The following MPZL1 variants were observed in gnomAD, a reference collection of about 807,000 sequenced individuals.
MPZL1 encodes myelin protein zero like 1.
MPZL1 carries 16 observed loss-of-function variants against 29.3 expected under a neutral mutation model. The observed-to-expected ratio is 0.55, with a 90% confidence interval of 0.37 to 0.83. The LOEUF (loss-of-function observed/expected upper bound fraction) is 0.83, where lower values mean the gene tolerates loss of function less well. Ranked by LOEUF, MPZL1 falls within the 40% of genes least tolerant of loss-of-function variation. MPZL1 has a pLI of 0.00. For missense variants in MPZL1, 279 were observed against 332.9 expected (o/e 0.84, Z 1.26); for synonymous variants, 143 against 132.0 (o/e 1.08, Z -0.57).
chr1:167,725,729 C>A (rs1660132084), intron 1 of MPZL1, among the ~76,000 whole-genome samples: 1 of 152,202 alleles, frequency 6.6e-6, no homozygotes, highest in South Asian at 2.1e-4. Context: ...TGGTGATCCA[C>A]CCGCCTTGGC....
chr1:167,760,514 G>T (rs1660964155), intron 1 of MPZL1, among the ~76,000 whole-genome samples: 2 of 151,944 alleles, frequency 1.3e-5, no homozygotes, highest in African/African-American at 4.8e-5. Context: ...CTCTAGATAG[G>T]TTTCTAAGTA....
At chr1:167,726,877 G>A (rs1294746522) in intron 1 of MPZL1, among the ~76,000 whole-genome samples, 1 of 152,150 alleles carries the variant, frequency 6.6e-6, no homozygotes, top group African/African-American at 2.4e-5. Flanking sequence ...CACCTACTGG[G>A]CACAAGGCAC....
intron 2 of MPZL1, among the ~76,000 whole-genome samples, chr1:167,771,494 A>G (rs761855299): frequency 3.9e-5 from 6 of 151,962 alleles, no homozygotes; most frequent in African/African-American, 1.5e-4. Context: ...GCCCGTTCTC[A>G]ATGGTCGCTG....
chr1:167,787,863 A>C lies in MPZL1; in HGVS notation c.752A>C (p.His251Pro). 2 of 1,613,976 alleles carry C rather than the reference A, an allele frequency of 1.2e-6. No individual in the cohort carries two copies. Among genetic ancestry groups the C allele is most frequent in the Non-Finnish European group, 1.7e-6 (2 of 1,179,816 alleles). Residue 251 changes from histidine to proline, a missense_variant, in exon 6 of 6, where the codon CAC (histidine) becomes CCC (proline). By Grantham distance (77) the His-to-Pro change is moderately conservative. Coordinates refer to ENST00000359523, the MANE Select transcript of MPZL1 (RefSeq NM_003953.6). Reference protein sequence around the residue: ...YAQLDHSGGHHSDKINKSESV... With the variant: ...YAQLDHSGGHPSDKINKSESV... ...CAGTTAGACCACTCCGGCGGACATC[A>C]CAGTGACAAGATTAACAAGTCAGAG...
At chr1:167,762,839 C>G (rs560135256) in intron 1 of MPZL1, among the ~76,000 whole-genome samples, 1 of 152,198 alleles carries the variant, frequency 6.6e-6, no homozygotes, top group Non-Finnish European at 1.5e-5. Flanking sequence ...AAAATGATGA[C>G]AAGAGTAGTA....
intron 1 of MPZL1, among the ~76,000 whole-genome samples, chr1:167,734,242 C>T (rs1009850076): frequency 9.4e-5 from 14 of 149,004 alleles, no homozygotes; most frequent in South Asian, 2.2e-4. Flanking sequence ...GGTGACAGAG[C>T]GAGACTCCAT....
At chr1:167,767,611 C>T (rs1422757502) in intron 2 of MPZL1, among the ~76,000 whole-genome samples, 3 of 152,072 alleles carry the variant, frequency 2.0e-5, no homozygotes, top group African/African-American at 4.8e-5. Flanking sequence ...TCCAAAATGT[C>T]GGGACACATT....
At chr1:167,772,560 T>TAAAG in intron 3 of MPZL1, 72 bp downstream of exon 3, 1 of 1,394,292 alleles carries the variant, frequency 7.2e-7, no homozygotes, top group Non-Finnish European at 1.0e-6. Context: ...AAACATGAGT[T>TAAAG]GCATTTCATG....
intron 2 of MPZL1, among the ~76,000 whole-genome samples, chr1:167,770,354 A>T (rs1404058167): frequency 6.6e-6 from 1 of 152,212 alleles, no homozygotes; most frequent in African/African-American, 2.4e-5. Flanking sequence ...GTGAGGATAG[A>T]TCCCCTCCCA....
chr1:167,760,595 G>A (rs573438873), intron 1 of MPZL1, among the ~76,000 whole-genome samples: 37 of 152,292 alleles, frequency 2.4e-4, no homozygotes, highest in African/African-American at 8.7e-4. Context: ...ACAGTCCAGG[G>A]TTTTGGTCTC....
chr1:167,759,224 G>A (rs1461912075), intron 1 of MPZL1, among the ~76,000 whole-genome samples: 1 of 152,186 alleles, frequency 6.6e-6, no homozygotes, highest in Non-Finnish European at 1.5e-5. Flanking sequence ...GACATGGAAT[G>A]TAGATTAGAA....
At chr1:167,780,141 A>G (rs1300224245) in intron 5 of MPZL1, among the ~76,000 whole-genome samples, 1 of 151,732 alleles carries the variant, frequency 6.6e-6, no homozygotes, top group African/African-American at 2.4e-5. Context: ...AATCATTTCA[A>G]AATACTCAGT....
chr1:167,786,816 T>C (rs985000387), intron 5 of MPZL1, among the ~76,000 whole-genome samples: 1 of 152,262 alleles, frequency 6.6e-6, no homozygotes, highest in Non-Finnish European at 1.5e-5. Context: ...GTTATTAGAC[T>C]TCTCAAGGAG....
chr1:167,738,633 C>G (rs1660431800), intron 1 of MPZL1, among the ~76,000 whole-genome samples: 1 of 152,168 alleles, frequency 6.6e-6, no homozygotes, highest in South Asian at 2.1e-4. Flanking sequence ...GCACCATACT[C>G]TTGGTGCTGT....
At position 167,788,000 on chromosome 1, in the gene MPZL1, A is replaced by T; in HGVS notation, c.*79A>T. The T allele has an allele frequency of 2.5e-6, 3 of 1,219,118 alleles. No homozygotes were observed. The highest frequency in any genetic ancestry group is 3.6e-6 in the Non-Finnish European group (3 of 830,436). The allele number at this position is 1,219,118 out of a possible 1,614,324, so 75.5% of individuals were successfully genotyped here. A position where few individuals can be genotyped will look rare whatever the true frequency, so the allele number is the denominator to read the frequency against. On this transcript the variant is annotated 3_prime_UTR_variant, in exon 6 of 6. Transcript: ENST00000359523. The stretch of plus-strand genomic sequence containing the variant: ...TGCAGAAAATGTAGCCCATTACCAC[A>T]TGTAGCCTTGGAGACCCAGGCAAGG...
chr1:167,782,274 A>T (rs543520978), intron 5 of MPZL1, among the ~76,000 whole-genome samples: 1 of 152,140 alleles, frequency 6.6e-6, no homozygotes, highest in African/African-American at 2.4e-5. Flanking sequence ...ATTTTCAACT[A>T]TCTTATTTAA....
At chr1:167,734,701 G>A (rs1378105050) in intron 1 of MPZL1, among the ~76,000 whole-genome samples, 2 of 152,204 alleles carry the variant, frequency 1.3e-5, no homozygotes, top group Non-Finnish European at 2.9e-5. Flanking sequence ...GAGAGGCGTT[G>A]GGGGTAGGTC....
rs543123285 is a variant in MPZL1 at position 167,772,083 on chromosome 1, A to G, written c.259-192A>G. ...GGTTGCAGCGAGCCAAGATCACGGC[A>G]GTACAGTCCAGCCTCAGCAACAGAG... On this transcript the variant is annotated intron_variant, in intron 2 of 5. Transcript: ENST00000359523. 3.9e-4 allele frequency among the ~76,000 whole-genome samples: 60 copies of G among 152,336 alleles called. No homozygotes were observed. In the East Asian group the frequency reaches 0.01, roughly 25 times the overall value.
chr1:167,765,533 G>A (rs373159576), intron 1 of MPZL1, 50 bp from the exon 2 acceptor site: 3 of 1,497,666 alleles, frequency 2.0e-6, no homozygotes, highest in African/African-American at 2.8e-5. Context: ...ATGCACAGTG[G>A]TATTCATGTT....
Sources: gnomAD v4.1 joint callset for allele counts (sites outside exome capture counted in the v4.1 genomes callset) on GRCh38, gnomAD v4.1.1 for gene constraint, MANE v1.5 for transcripts, NCBI Gene and HGNC (gene_info 2026-07-23, HGNC 2026-07-21) for gene names.